Variants in LCORL observed in about 807,000 individuals in gnomAD.
LCORL encodes the protein ligand-dependent nuclear receptor corepressor-like protein.
A neutral mutation model predicts 141.8 loss-of-function variants in LCORL; 41 were observed. The ratio of observed to expected loss-of-function variants is 0.29; its 90% CI spans 0.23 to 0.38. The LOEUF (loss-of-function observed/expected upper bound fraction) is 0.38. LCORL is among the 10% of genes least tolerant of loss of function. The pLI is 1.00. For synonymous variants in LCORL, 618 were observed against 694.1 expected, an observed-to-expected ratio of 0.89 and a Z score of 1.72; for missense variants, 1,759 against 2,035.0, an observed-to-expected ratio of 0.86 and a Z score of 2.61.
chr4:17,912,225 G>A (rs888611717), intron 4 of LCORL: 11 of 746,766 alleles, frequency 1.5e-5, no homozygotes, highest in Non-Finnish European at 2.5e-5. Context: ...CCGTGCGCCA[G>A]TCTGTGGAGA....
intron 4 of LCORL, among the ~76,000 whole-genome samples, chr4:17,917,078 G>A (rs1472263316): frequency 3.3e-5 from 5 of 151,542 alleles, no homozygotes; most frequent in Admixed American, 2.0e-4. Context: ...GGGTTCCAGC[G>A]ATTCTCCTGC....
chr4:17,915,348 A>G (rs1430635275), intron 4 of LCORL, among the ~76,000 whole-genome samples: 5 of 152,240 alleles, frequency 3.3e-5, no homozygotes, highest in African/African-American at 4.8e-5. Flanking sequence ...CAAGTGAGCC[A>G]AAACCAACTA....
chr4:18,012,390 A>G (rs1171614886), intron 1 of LCORL, among the ~76,000 whole-genome samples: 1 of 152,158 alleles, frequency 6.6e-6, no homozygotes, highest in East Asian at 1.9e-4. Flanking sequence ...GGGCAATCTA[A>G]TGTCTAATTT....
chr4:17,848,069 G>A (rs76467941), intron 7 of LCORL, among the ~76,000 whole-genome samples: 3,574 of 152,004 alleles, frequency 0.024, 37 homozygotes, highest in South Asian at 0.03. Context: ...AAAAACATAC[G>A]GCGGTTTTCT....
intron 1 of LCORL, among the ~76,000 whole-genome samples, chr4:17,983,390 T>C (rs1183420001): frequency 6.6e-6 from 1 of 152,230 alleles, no homozygotes; most frequent in African/African-American, 2.4e-5. Context: ...ATTCTTCCTA[T>C]CCATGAGCAA....
At chr4:18,010,614 T>C (rs1449528569) in intron 1 of LCORL, among the ~76,000 whole-genome samples, 1 of 148,878 alleles carries the variant, frequency 6.7e-6, no homozygotes, top group African/African-American at 2.6e-5. Flanking sequence ...CACGCCTGGC[T>C]AATTTTTGTA....
chr4:17,885,586 CAT>C (rs764364623), intron 6 of LCORL, among the ~76,000 whole-genome samples: 1 of 151,746 alleles, frequency 6.6e-6, no homozygotes, highest in Non-Finnish European at 1.5e-5. Flanking sequence ...CTTTTCAAAA[CAT>C]GAGAGGACTT....
At chr4:17,958,901 TTA>T (rs941943854) in intron 4 of LCORL, among the ~76,000 whole-genome samples, 10 of 152,006 alleles carry the variant, frequency 6.6e-5, no homozygotes, top group African/African-American at 2.4e-4. Flanking sequence ...CTAGTTAATT[TTA>T]GTGTTAACCT....
intron 6 of LCORL, among the ~76,000 whole-genome samples, chr4:17,879,174 T>C (rs575484321): frequency 6.6e-6 from 1 of 151,284 alleles, no homozygotes; most frequent in South Asian, 2.1e-4. Context: ...AATGTATTTG[T>C]TTAAATGCAG....
chr4:17,880,439 G>C (rs1727409788), intron 6 of LCORL: 1 of 922,010 alleles, frequency 1.1e-6, no homozygotes, highest in Admixed American at 6.3e-5. Context: ...ACCTTTTCCT[G>C]TTTGATTTAT....
chr4:17,854,056 C>T (rs1180242308), intron 7 of LCORL, among the ~76,000 whole-genome samples: 1 of 152,004 alleles, frequency 6.6e-6, no homozygotes, highest in African/African-American at 2.4e-5. Context: ...TTAATCCCAG[C>T]AGAGCAGGGA....
chr4:17,966,107 A>G (rs1169002572), intron 2 of LCORL, among the ~76,000 whole-genome samples: 2 of 152,164 alleles, frequency 1.3e-5, no homozygotes, highest in Non-Finnish European at 2.9e-5. Context: ...AAAAGTACAA[A>G]GGAGAAAAGA....
intron 1 of LCORL, among the ~76,000 whole-genome samples, chr4:18,011,478 G>A (rs910910324): frequency 3.4e-5 from 5 of 148,992 alleles, no homozygotes; most frequent in Admixed American, 3.3e-4. Context: ...CCTCCTTGTA[G>A]AAGCTATAAT....
At chr4:17,855,965 T>A (rs1724317220) in intron 7 of LCORL, among the ~76,000 whole-genome samples, 1 of 152,230 alleles carries the variant, frequency 6.6e-6, no homozygotes. Flanking sequence ...GGTCTCTCAT[T>A]CTTTAAAAAA....
At chr4:18,020,934 G>A (rs1385294704) in intron 1 of LCORL, among the ~76,000 whole-genome samples, 1 of 152,186 alleles carries the variant, frequency 6.6e-6, no homozygotes, top group African/African-American at 2.4e-5. Flanking sequence ...CGCTCAAGCG[G>A]CTCCTTCTTA....
At position 17,868,639 on chromosome 4, in the gene LCORL, A is replaced by T. The variant is rs1270816930; in HGVS notation, c.5602+4749T>A. Among the ~76,000 whole-genome samples, 6 of 152,122 alleles carry T rather than the reference A, an allele frequency of 3.9e-5. No individual in the cohort carries two copies. In the East Asian group the frequency reaches 1.2e-3, roughly 29 times the overall value. ...AATCATCTCCTGCAACTGACCTTTCACACATCACATTTCCCATCCTCCACC... is the reference window on the plus strand; with the variant it reads ...AATCATCTCCTGCAACTGACCTTTCTCACATCACATTTCCCATCCTCCACC... On this transcript the variant is annotated intron_variant, in intron 7 of 7. Coordinates refer to ENST00000635767, the Ensembl canonical transcript of LCORL.
At chr4:17,877,439 T>C (rs1727039558) in exon 7 of LCORL, 4 of 1,229,544 alleles carry the variant, frequency 3.3e-6, no homozygotes, top group South Asian at 4.1e-5. Flanking sequence ...TTTCATGATT[T>C]GTAGTAGAAT....
intron 4 of LCORL, among the ~76,000 whole-genome samples, chr4:17,954,382 A>T (rs1271863453): frequency 6.6e-6 from 1 of 152,182 alleles, no homozygotes; most frequent in African/African-American, 2.4e-5. Context: ...TCATTTGAGG[A>T]AAAGCAAAAA....
At chr4:17,888,409 T>C (rs1195019935) in intron 5 of LCORL, among the ~76,000 whole-genome samples, 4 of 152,172 alleles carry the variant, frequency 2.6e-5, no homozygotes, top group Non-Finnish European at 4.4e-5. Flanking sequence ...CATTTATCTA[T>C]GTAACTACTT....
Sources: allele counts gnomAD v4.1 joint callset (sites outside exome capture counted in the v4.1 genomes callset), GRCh38; gene constraint gnomAD v4.1.1; transcripts MANE v1.5; gene names NCBI Gene and HGNC (gene_info 2026-07-23, HGNC 2026-07-21).